Variants in PDE4C observed in about 807,000 individuals in gnomAD.
PDE4C encodes 3',5'-cyclic-AMP phosphodiesterase 4C.
Under a neutral mutation model 63.9 loss-of-function variants are expected in PDE4C, and 50 were observed. The ratio of observed to expected loss-of-function variants is 0.78; its 90% confidence interval spans 0.62 to 0.99. PDE4C has a LOEUF of 0.99. Ranked by LOEUF, PDE4C falls within the 50% of genes least tolerant of loss-of-function variation. The probability of loss-of-function intolerance (pLI) is 0.00; values close to 1 mark genes in which losing one functional copy is unlikely to be tolerated. For missense variants in PDE4C, 777 were observed against 899.1 expected, an observed-to-expected ratio of 0.86 and a Z score of 1.74; for synonymous variants, 377 against 385.1, an observed-to-expected ratio of 0.98 and a Z score of 0.25.
intron 7 of PDE4C, chr19:18,219,774 G>C: frequency 4.3e-6 from 1 of 230,624 alleles, no homozygotes; most frequent in Non-Finnish European, 8.5e-6. Context: ...CAGTGGCTGA[G>C]ATTGCACCAC....
chr19:18,254,357 A>G, the PDE4C span, among the ~76,000 whole-genome samples: 1 of 152,238 alleles, frequency 6.6e-6, no homozygotes, highest in African/African-American at 2.4e-5. Context: ...GTTGGAGGAC[A>G]CAAGCCCTGT....
At chr19:18,246,197 T>G (rs1250875490) in intron 1 of PDE4C, among the ~76,000 whole-genome samples, 1 of 148,552 alleles carries the variant, frequency 6.7e-6, no homozygotes, top group East Asian at 2.0e-4. Flanking sequence ...TTTTTTTTTT[T>G]TTTTGAGATG....
downstream of PDE4C, chr19:18,209,053 G>A (rs1967812204): frequency 6.6e-6 from 1 of 152,124 alleles, no homozygotes; most frequent in African/African-American, 2.4e-5. Flanking sequence ...GCAACAACTG[G>A]TGCATAGGTT....
chr19:18,227,787 C>T (rs1226593655), upstream of PDE4C, among the ~76,000 whole-genome samples: 1 of 152,186 alleles, frequency 6.6e-6, no homozygotes, highest in Non-Finnish European at 1.5e-5. Flanking sequence ...CTGCCTCAGT[C>T]TTGGTGTCCC....
chr19:18,248,156 A>G (rs1364658463), intron 1 of PDE4C: 2 of 456,188 alleles, frequency 4.4e-6, no homozygotes, highest in South Asian at 3.1e-5. Flanking sequence ...AGGCCCAGGC[A>G]TGTCTGGCAC....
At chr19:18,247,403 C>A (rs1439977733) in intron 1 of PDE4C, among the ~76,000 whole-genome samples, 1 of 152,186 alleles carries the variant, frequency 6.6e-6, no homozygotes, top group Non-Finnish European at 1.5e-5. Context: ...TCAAGCAATT[C>A]TCCTGCCTCA....
chr19:18,237,654 C>G (rs1026704609), upstream of PDE4C, among the ~76,000 whole-genome samples: 1 of 151,664 alleles, frequency 6.6e-6, no homozygotes, highest in Admixed American at 6.6e-5. Flanking sequence ...AGGCGGATCA[C>G]GAGGTCAGGA....
upstream of PDE4C, among the ~76,000 whole-genome samples, chr19:18,228,386 A>C (rs1051343265): frequency 1.3e-5 from 2 of 152,066 alleles, no homozygotes; most frequent in African/African-American, 2.4e-5. Flanking sequence ...GACGAAACCT[A>C]CAAAGTGTGG....
Position 18,221,243 on chromosome 19 carries a change from AG to A in PDE4C, c.375+17del. Reference sequence around the variant, plus strand: ...GGATCCGGAGGGGGTCAGGGCAGGGAGGGCGGGGGACACCCACCTGGGCAAA... The same window carrying A: ...GGATCCGGAGGGGGTCAGGGCAGGGAGGCGGGGGACACCCACCTGGGCAAA... On this transcript the variant is annotated intron_variant, in intron 3 of 14. Coordinates refer to ENST00000262805, the Ensembl canonical transcript of PDE4C. 1.1e-6 allele frequency: 1 copy of A among 906,372 alleles called. No individual in the cohort carries two copies. Among genetic ancestry groups the A allele is most frequent in the South Asian group, 1.5e-5 (1 of 67,974 alleles). The allele number at this position is 906,372 out of a possible 1,614,324, so 56.1% of individuals were successfully genotyped here.
chr19:18,220,325 G>A lies in PDE4C; in HGVS notation c.613-6C>T. 6.2e-7 allele frequency: 1 copy of A among 1,614,084 alleles called. No homozygotes were observed. On this transcript the variant is annotated splice_polypyrimidine_tract_variant and splice_region_variant and intron_variant, in intron 6 of 14. Coordinates refer to ENST00000262805, the Ensembl canonical transcript of PDE4C. The surrounding 1 kb of genome is among the most constrained non-coding windows in gnomAD (Gnocchi z 5.1). ...CGGTTCAGGATCCGCTTGAACTGGG[G>A]CGGAGAGAAGGTGAAGACCGTGATG...
intron 11 of PDE4C, 67 bp downstream of exon 11, chr19:18,218,082 C>T: frequency 8.3e-7 from 1 of 1,202,896 alleles, no homozygotes; most frequent in South Asian, 1.3e-5. Flanking sequence ...CCCCTGAGAT[C>T]ACCTGGTGGA....
chr19:18,240,987 C>T (rs564161307), intron 1 of PDE4C, among the ~76,000 whole-genome samples: 4 of 152,256 alleles, frequency 2.6e-5, no homozygotes, highest in Non-Finnish European at 5.9e-5. Context: ...GCTTGAGCCA[C>T]GCTCAGATCT....
At position 18,220,595 on chromosome 19, in the gene PDE4C, C is replaced by G; in HGVS notation, c.500-80G>C. On this transcript the variant is annotated intron_variant, in intron 5 of 14. Coordinates refer to ENST00000262805, the Ensembl canonical transcript of PDE4C. This position sits in a 1 kb window ranked among gnomAD's most constrained non-coding sequence, Gnocchi z 5.1. ...GCCTCTCGCGACTTCGTCTCTTCAT[C>G]TGGACCCTGAAACTGTTCCCACGGG... 7.9e-7 allele frequency: 1 copy of G among 1,273,584 alleles called. No individual in the cohort carries two copies. The highest frequency in any genetic ancestry group is 1.1e-6 in the Non-Finnish European group (1 of 901,904). The allele number at this position is 1,273,584 out of a possible 1,614,324, so 78.9% of individuals were successfully genotyped here. A position where few individuals can be genotyped will look rare whatever the true frequency, so the allele number is the denominator to read the frequency against.
At chr19:18,253,633 G>C in the PDE4C span, among the ~76,000 whole-genome samples, 4 of 151,816 alleles carry the variant, frequency 2.6e-5, no homozygotes, top group Non-Finnish European at 5.9e-5. Flanking sequence ...ATCCACCTAT[G>C]AGCTCAGAGA....
chr19:18,233,512 C>T, exon 1 of PDE4C: 1 of 611,528 alleles, frequency 1.6e-6, no homozygotes, highest in South Asian at 1.5e-5. Flanking sequence ...TCCCCTATAG[C>T]GCTGCATGGA....
At chr19:18,210,218 T>A (rs1967866123), downstream of PDE4C, 1 of 150,638 alleles carries the variant, frequency 6.6e-6, no homozygotes. Flanking sequence ...GTGGGGGTCT[T>A]GCTATGTTGC....
Position 18,220,122 on chromosome 19 carries a change from T to C in PDE4C, c.706+104A>G, listed in dbSNP as rs937677031. ...GACTCATGGGGGCTGAAGGTGTCTG[T>C]GTCTGGCTGTATCTCCCCCAGACTG... On this transcript the variant is annotated intron_variant, in intron 7 of 14. Coordinates refer to ENST00000262805, the Ensembl canonical transcript of PDE4C. This position sits in a 1 kb window ranked among gnomAD's most constrained non-coding sequence, Gnocchi z 5.1. 25 of 898,930 alleles carry C rather than the reference T, an allele frequency of 2.8e-5. No homozygotes were observed. In the African/African-American group the frequency reaches 3.7e-4, roughly 13 times the overall value. 55.7% of individuals were successfully genotyped at this position (898,930 alleles called of 1,614,324 possible).
At chr19:18,236,311 C>T (rs1217462875), upstream of PDE4C, among the ~76,000 whole-genome samples, 1 of 152,078 alleles carries the variant, frequency 6.6e-6, no homozygotes, top group Non-Finnish European at 1.5e-5. Flanking sequence ...GCAACCTCGG[C>T]TCACTGCAAC....
chr19:18,222,219 C>G, exon 2 of PDE4C: 1 of 1,614,160 alleles, frequency 6.2e-7, no homozygotes, highest in Non-Finnish European at 8.5e-7. Context: ...GGACTCGCGC[C>G]GCTGGCTGTG....
Sources: gnomAD v4.1 joint callset for allele counts (sites outside exome capture counted in the v4.1 genomes callset) on GRCh38, gnomAD v4.1.1 for gene constraint, Gnocchi (gnomAD v3.1) non-coding constraint, MANE v1.5 for transcripts, NCBI Gene and HGNC (gene_info 2026-07-23, HGNC 2026-07-21) for gene names.